DOCK11: variants seen among roughly 807,000 people sequenced by gnomAD.
DOCK11 encodes the protein dedicator of cytokinesis 11, also known as dedicator of cytokinesis protein 11.
A neutral mutation model predicts 169.1 loss-of-function variants in DOCK11; 70 were observed. The observed-to-expected ratio is 0.41, with a 90% CI of 0.34 to 0.51. The LOEUF is 0.51. Ranked by LOEUF, DOCK11 falls within the 20% of genes least tolerant of loss-of-function variation. The pLI, the probability that DOCK11 is intolerant of heterozygous loss-of-function variation, is 0.10. For missense variants in DOCK11, 1,166 were observed against 1,538.8 expected (o/e 0.76, Z 4.05); for synonymous variants, 529 against 541.3 (o/e 0.98, Z 0.32).
chrX:118,678,796 G>A (rs1229945943), intron 48 of DOCK11, among the ~76,000 whole-genome samples: 1 of 101,164 alleles, frequency 9.9e-6, no homozygotes, highest in Non-Finnish European at 2.0e-5. Flanking sequence ...TTCGAGACAG[G>A]GTCTGGCTCT....
chrX:118,683,256 C>T (rs757220856), intron 52 of DOCK11, 39 bp downstream of exon 52: 22 of 1,167,337 alleles, frequency 1.9e-5, no homozygotes, highest in Non-Finnish European at 2.5e-5. Context: ...ACATGATCTG[C>T]GGGTCCCAAA....
At chrX:118,607,503 G>C (rs1342628341) in intron 24 of DOCK11, among the ~76,000 whole-genome samples, 1 of 88,441 alleles carries the variant, frequency 1.1e-5, no homozygotes, top group African/African-American at 4.3e-5. Context: ...CTCACTGCAA[G>C]CTCCGCCTCC....
intron 16 of DOCK11, among the ~76,000 whole-genome samples, chrX:118,586,929 G>A (rs1183669507): frequency 8.9e-6 from 1 of 112,171 alleles, no homozygotes; most frequent in Admixed American, 9.4e-5. Context: ...TCTAAATGCA[G>A]TGAGAAGTCA....
At chrX:118,628,797 C>T (rs1404266876) in intron 34 of DOCK11, among the ~76,000 whole-genome samples, 2 of 112,759 alleles carry the variant, frequency 1.8e-5, no homozygotes, top group African/African-American at 6.4e-5. Flanking sequence ...GCAGAAAGAC[C>T]TCATTTTAGA....
chrX:118,543,333 G>A (rs1470280923), intron 3 of DOCK11, among the ~76,000 whole-genome samples, 178 bp from the exon 4 acceptor site: 9 of 111,640 alleles, frequency 8.1e-5, no homozygotes, highest in African/African-American at 2.6e-4. Flanking sequence ...CATATGAATT[G>A]GGATTTATTG....
At position 118,546,210 on chromosome X, in the gene DOCK11, C is replaced by CA. The variant is rs1556269491; in HGVS notation, c.558+115dup. 9.3e-3 allele frequency: 456 copies of CA among 49,117 alleles called. 16 individuals are homozygous for CA. Among genetic ancestry groups the CA allele is most frequent in the East Asian group, 0.09 (185 of 2,055 alleles). 4.0% of individuals were successfully genotyped at this position (49,117 alleles called of 1,213,427 possible). A position where few individuals can be genotyped will look rare whatever the true frequency, so the allele number is the denominator to read the frequency against. ...ATATTTATTTTACAAAGAGCCCTAG[C>CA]AAAAAAAAAAAAAAAAAAAAAGGAG... On this transcript the variant is annotated intron_variant, in intron 6 of 52. Transcript: ENST00000276202.
In DOCK11 at chrX:118,504,061, A is replaced by G. The variant is rs183515333; in HGVS notation, c.102+7988A>G. 2.1e-4 allele frequency among the ~76,000 whole-genome samples: 23 copies of G among 110,856 alleles called. No individual in the cohort carries two copies. The Admixed American group carries it at 2.1e-3, about 10-fold the overall frequency. On this transcript the variant is annotated intron_variant, in intron 1 of 52. Coordinates refer to ENST00000276202, the MANE Select transcript of DOCK11 (RefSeq NM_144658.4). ...CCTGCTTTTAAGGGAGACTAGAAGT[A>G]CGCAAATAACCTACAGAAGATAGAA... is the stretch of plus-strand genomic sequence containing the variant.
At chrX:118,630,988 G>T (rs1217556685) in intron 35 of DOCK11, among the ~76,000 whole-genome samples, 1 of 111,341 alleles carries the variant, frequency 9.0e-6, no homozygotes, top group Non-Finnish European at 1.9e-5. Flanking sequence ...GTCGGGCTCT[G>T]TTTTTTCTCC....
chrX:118,570,974 C>G (rs760873054), intron 10 of DOCK11, among the ~76,000 whole-genome samples: 1 of 112,045 alleles, frequency 8.9e-6, no homozygotes, highest in South Asian at 3.7e-4. Context: ...TTTCAAAATA[C>G]CAATAATTTT....
chrX:118,588,872 A>G (rs781285187), intron 18 of DOCK11, among the ~76,000 whole-genome samples: 4 of 112,422 alleles, frequency 3.6e-5, no homozygotes, highest in Non-Finnish European at 7.5e-5. Context: ...TTGATCTGAG[A>G]TACGACTTCT....
At chrX:118,496,134 A>G (rs2057535004) in intron 1 of DOCK11, 61 bp downstream of exon 1, 2 of 818,316 alleles carry the variant, frequency 2.4e-6, no homozygotes, top group African/African-American at 4.4e-5. Flanking sequence ...CGACGCGGGA[A>G]GGGGCAGGAA....
intron 40 of DOCK11, among the ~76,000 whole-genome samples, chrX:118,646,174 T>C (rs2015664743): frequency 9.1e-6 from 1 of 109,705 alleles, no homozygotes; most frequent in South Asian, 3.8e-4. Context: ...GAGAATGACA[T>C]ACATGTGCCA....
chrX:118,586,870 G>C (rs1336135549), intron 16 of DOCK11, among the ~76,000 whole-genome samples: 1 of 105,138 alleles, frequency 9.5e-6, no homozygotes, highest in African/African-American at 3.6e-5. Flanking sequence ...ATCAGGTCAT[G>C]TAAGGAATTG....
intron 10 of DOCK11, among the ~76,000 whole-genome samples, chrX:118,569,867 T>C (rs1433091880): frequency 9.0e-6 from 1 of 111,474 alleles, no homozygotes; most frequent in Non-Finnish European, 1.9e-5. Context: ...TGGGCTCTAG[T>C]TGGACGTGTT....
chrX:118,624,734 A>T, intron 32 of DOCK11, 79 bp downstream of exon 32: 4 of 496,213 alleles, frequency 8.1e-6, no homozygotes, highest in Non-Finnish European at 1.3e-5. Context: ...ATGCTATATG[A>T]TCTCAACCTT....
chrX:118,647,142 T>G (rs1384093622), intron 40 of DOCK11, among the ~76,000 whole-genome samples: 1 of 9,201 alleles, frequency 1.1e-4, no homozygotes, highest in Non-Finnish European at 1.7e-4. Flanking sequence ...AGAGGATATG[T>G]GTGTGTGTGT....
At chrX:118,496,617 A>T (rs1379783520) in intron 1 of DOCK11, among the ~76,000 whole-genome samples, 1 of 111,900 alleles carries the variant, frequency 8.9e-6, no homozygotes, top group Non-Finnish European at 1.9e-5. Flanking sequence ...AGAACAGAGG[A>T]AGCAGAGCGA....
At chrX:118,668,671 T>C (rs991253117) in intron 45 of DOCK11, among the ~76,000 whole-genome samples, 14 of 111,911 alleles carry the variant, frequency 1.3e-4, no homozygotes, top group Admixed American at 2.9e-4. Flanking sequence ...AAAAGTCAGA[T>C]ATGTAGATAA....
intron 21 of DOCK11, 61 bp from the exon 22 acceptor site, chrX:118,597,969 G>T (rs1422623283): frequency 1.1e-6 from 1 of 887,489 alleles, no homozygotes; most frequent in African/African-American, 2.0e-5. Context: ...ATGCATAAAG[G>T]TATTATATGT....
Sources: gnomAD v4.1 joint callset for allele counts (sites outside exome capture counted in the v4.1 genomes callset) on GRCh38, gnomAD v4.1.1 for gene constraint, MANE v1.5 for transcripts, NCBI Gene and HGNC (gene_info 2026-07-23, HGNC 2026-07-21) for gene names.